Variants in ATP8B4 observed in about 807,000 individuals in gnomAD.
ATP8B4 encodes the protein probable phospholipid-transporting ATPase IM.
ATP8B4 carries 133 observed loss-of-function variants against 145.6 expected under a neutral mutation model. The observed-to-expected ratio is 0.91, with a 90% CI of 0.79 to 1.05. ATP8B4 has a LOEUF of 1.05. ATP8B4 is among the 50% of genes least tolerant of loss of function. ATP8B4 has a pLI of 0.00. For synonymous variants in ATP8B4, 507 were observed against 492.9 expected (o/e 1.03, Z -0.38); for missense variants, 1,458 against 1,425.2 (o/e 1.02, Z -0.37).
intron 13 of ATP8B4, among the ~76,000 whole-genome samples, chr15:49,970,390 A>G (rs1003492924): frequency 6.6e-6 from 1 of 152,192 alleles, no homozygotes; most frequent in Non-Finnish European, 1.5e-5. Flanking sequence ...CTCAGCCTCA[A>G]ATCCCCTTAA....
rs924302322 is a variant in ATP8B4 at position 49,987,313 on chromosome 15, C to T, written c.748+78G>A. 2.7e-6 allele frequency: 4 copies of T among 1,499,318 alleles called. No individual in the cohort carries two copies. In the African/African-American group the frequency reaches 5.6e-5, roughly 21 times the overall value. The allele number at this position is 1,499,318 out of a possible 1,614,324, so 92.9% of individuals were successfully genotyped here. A position where few individuals can be genotyped will look rare whatever the true frequency, so the allele number is the denominator to read the frequency against. On this transcript the variant is annotated intron_variant, in intron 10 of 27. Transcript: ENST00000284509. ...AATGAAAGCACTGCGCTCATCAGAA[C>T]ACAGAGAATCATAGACTGTGCTGGT...
chr15:49,862,708 G>A (rs1348290224), intron 26 of ATP8B4, among the ~76,000 whole-genome samples: 1 of 152,150 alleles, frequency 6.6e-6, no homozygotes, highest in Non-Finnish European at 1.5e-5. Flanking sequence ...TCCTGCCTCG[G>A]CCTCCCAAAG....
At chr15:49,990,595 C>T (rs1216670339) in intron 9 of ATP8B4, among the ~76,000 whole-genome samples, 1 of 152,068 alleles carries the variant, frequency 6.6e-6, no homozygotes, top group African/African-American at 2.4e-5. Flanking sequence ...CCTTCTTAAG[C>T]ATTCTAGATT....
chr15:50,125,966 G>A (rs528559308), intron 1 of ATP8B4, among the ~76,000 whole-genome samples: 2 of 152,058 alleles, frequency 1.3e-5, no homozygotes, highest in Non-Finnish European at 2.9e-5. Context: ...TATTTTGCCT[G>A]GGATTCTTTC....
intron 1 of ATP8B4, among the ~76,000 whole-genome samples, chr15:50,129,954 A>T (rs2057334474): frequency 6.6e-6 from 1 of 151,234 alleles, no homozygotes; most frequent in East Asian, 1.9e-4. Flanking sequence ...CTCAAAAAAA[A>T]AAAAAAAAAA....
At chr15:50,091,195 A>T (rs1169859131) in intron 2 of ATP8B4, among the ~76,000 whole-genome samples, 10 of 152,254 alleles carry the variant, frequency 6.6e-5, no homozygotes, top group Admixed American at 5.9e-4. Flanking sequence ...GCAACATTAG[A>T]TGAGAACTAG....
intron 1 of ATP8B4, among the ~76,000 whole-genome samples, chr15:50,146,129 C>T (rs12915230): frequency 0.23 from 34,467 of 151,304 alleles, 4,504 homozygotes; most frequent in East Asian, 0.41. Context: ...TCACCTACCT[C>T]AGCATCCCGA....
chr15:50,107,057 T>C, intron 1 of ATP8B4, 49 bp from the exon 2 acceptor site: 1 of 1,266,960 alleles, frequency 7.9e-7, no homozygotes, highest in Non-Finnish European at 1.1e-6. Context: ...GCACAATAAC[T>C]ATAAATTTAC....
chr15:50,058,752 C>A (rs192214616), intron 3 of ATP8B4, among the ~76,000 whole-genome samples: 2 of 152,138 alleles, frequency 1.3e-5, no homozygotes, highest in African/African-American at 4.8e-5. Context: ...TCTCCTGCAA[C>A]AGTCCTAGCC....
intron 20 of ATP8B4, among the ~76,000 whole-genome samples, chr15:49,915,615 C>T (rs752537840): frequency 4.7e-4 from 72 of 151,948 alleles, no homozygotes; most frequent in Non-Finnish European, 8.7e-4. Context: ...AGAGTCAATC[C>T]AAAAATCAAA....
At chr15:49,952,130 T>G (rs2043158726) in intron 14 of ATP8B4, among the ~76,000 whole-genome samples, 1 of 152,216 alleles carries the variant, frequency 6.6e-6, no homozygotes. Flanking sequence ...TTAGCAGTTT[T>G]TCCTTCATTT....
At chr15:49,996,384 A>G (rs927498325) in intron 9 of ATP8B4, among the ~76,000 whole-genome samples, 2 of 152,110 alleles carry the variant, frequency 1.3e-5, no homozygotes, top group African/African-American at 4.8e-5. Flanking sequence ...GCAAGTCTGT[A>G]TATGGCTTCA....
chr15:50,157,981 T>C (rs1221041849), intron 1 of ATP8B4, among the ~76,000 whole-genome samples: 1 of 152,198 alleles, frequency 6.6e-6, no homozygotes, highest in Non-Finnish European at 1.5e-5. Context: ...GGTCTCCAGC[T>C]CCTAACCGCA....
chr15:50,054,275 A>G (rs561237354), intron 3 of ATP8B4, among the ~76,000 whole-genome samples: 1 of 152,334 alleles, frequency 6.6e-6, no homozygotes, highest in African/African-American at 2.4e-5. Context: ...GCTTCGAGGT[A>G]TATTACCAGA....
At chr15:50,094,712 CTATA>C (rs10546915) in intron 2 of ATP8B4, among the ~76,000 whole-genome samples, 12,831 of 144,922 alleles carry the variant, frequency 0.089, 617 homozygotes, top group Middle Eastern at 0.14. Flanking sequence ...ATATATACTA[CTATA>C]TATATATATA....
intron 2 of ATP8B4, among the ~76,000 whole-genome samples, chr15:50,085,051 G>A (rs2054808026): frequency 6.6e-6 from 1 of 152,062 alleles, no homozygotes; most frequent in South Asian, 2.1e-4. Context: ...TCCTACTCAA[G>A]GCCATCCACT....
At chr15:50,073,010 A>ATG (rs2053930403) in intron 3 of ATP8B4, among the ~76,000 whole-genome samples, 1 of 45,102 alleles carries the variant, frequency 2.2e-5, no homozygotes, top group African/African-American at 1.1e-4. Context: ...ATATATATAT[A>ATG]TATATATATA....
At chr15:50,081,921 T>C (rs533479795) in intron 2 of ATP8B4, among the ~76,000 whole-genome samples, 1 of 152,296 alleles carries the variant, frequency 6.6e-6, no homozygotes, top group Admixed American at 6.5e-5. Context: ...GGGGTCCCTA[T>C]ATAGAACTCA....
chr15:50,155,896 C>T (rs1408728808), intron 1 of ATP8B4, among the ~76,000 whole-genome samples: 2 of 151,290 alleles, frequency 1.3e-5, no homozygotes, highest in Non-Finnish European at 3.0e-5. Context: ...CTAATGAAGG[C>T]TGTGAACTAC....
Sources: gnomAD v4.1 joint callset for allele counts (sites outside exome capture counted in the v4.1 genomes callset) on GRCh38, gnomAD v4.1.1 for gene constraint, MANE v1.5 for transcripts, NCBI Gene and HGNC (gene_info 2026-07-23, HGNC 2026-07-21) for gene names.